Variants in DLEC1 observed in about 807,000 individuals in gnomAD.
The protein encoded by DLEC1 is deleted in lung and esophageal cancer protein 1.
In DLEC1, 146 loss-of-function variants were observed where a neutral mutation model predicts 198.1. The ratio of observed to expected loss-of-function variants is 0.74; its 90% CI spans 0.64 to 0.85. The LOEUF (loss-of-function observed/expected upper bound fraction) is 0.85. Among genes scored for constraint, DLEC1 ranks in the 40% least tolerant of loss-of-function variants. DLEC1 has a pLI of 0.00. For missense variants in DLEC1, 2,233 were observed against 2,220.0 expected (o/e 1.01, Z -0.12); for synonymous variants, 897 against 866.8 (o/e 1.03, Z -0.61).
At chr3:38,045,975 G>T (rs1410012900) in intron 2 of DLEC1, among the ~76,000 whole-genome samples, 1 of 152,138 alleles carries the variant, frequency 6.6e-6, no homozygotes, top group Non-Finnish European at 1.5e-5. Context: ...ACAGATACTT[G>T]TCAACCTAAA....
chr3:38,115,999 C>T (rs1001280655), intron 27 of DLEC1, among the ~76,000 whole-genome samples: 5 of 152,026 alleles, frequency 3.3e-5, no homozygotes, highest in East Asian at 1.9e-4. Flanking sequence ...AAGGGAGATA[C>T]GAGGATGCTG....
At chr3:38,109,377 G>T (rs1420677936) in intron 21 of DLEC1, 55 bp from the exon 22 acceptor site, 2 of 1,607,228 alleles carry the variant, frequency 1.2e-6, no homozygotes, top group Admixed American at 3.4e-5. Flanking sequence ...GACCATCTGG[G>T]CTCATCTTCA....
At chr3:38,056,959 A>G (rs1431231301) in intron 2 of DLEC1, among the ~76,000 whole-genome samples, 1 of 152,222 alleles carries the variant, frequency 6.6e-6, no homozygotes, top group Non-Finnish European at 1.5e-5. Context: ...CAGAATGATG[A>G]TGATGATGTC....
chr3:38,053,889 C>T (rs1701276730), intron 2 of DLEC1, among the ~76,000 whole-genome samples: 1 of 152,122 alleles, frequency 6.6e-6, no homozygotes, highest in Non-Finnish European at 1.5e-5. Context: ...AATCTATAAC[C>T]TTACCCCCAA....
intron 2 of DLEC1, among the ~76,000 whole-genome samples, chr3:38,055,902 T>C (rs1376930155): frequency 6.6e-6 from 1 of 152,180 alleles, no homozygotes; most frequent in Non-Finnish European, 1.5e-5. Context: ...AACAAGGTCC[T>C]AAATGCCCAG....
chr3:38,084,750 A>G (rs992793960), intron 7 of DLEC1, among the ~76,000 whole-genome samples: 6 of 151,626 alleles, frequency 4.0e-5, no homozygotes, highest in Admixed American at 2.0e-4. Context: ...CTCATGCTCC[A>G]CCAGCAATGT....
rs150587711 is a variant in DLEC1, at chr3:38,119,374, G to A, written c.4705-1074G>A. On this transcript the variant is annotated intron_variant, in intron 33 of 36. Transcript: ENST00000308059. ...AGCAAATACCAACCCCAGCCCCCTT[G>A]CTCATGCCCAGAGCTCTGGCACCCC... 3.3e-3 allele frequency among the ~76,000 whole-genome samples: 508 copies of A among 151,690 alleles called. 5 individuals are homozygous for A. The highest frequency in any genetic ancestry group is 7.0e-3 in the Admixed American group (106 of 15,230).
intron 21 of DLEC1, among the ~76,000 whole-genome samples, chr3:38,109,149 G>C (rs977665031): frequency 6.6e-6 from 1 of 152,232 alleles, no homozygotes; most frequent in Admixed American, 6.5e-5. Flanking sequence ...AGCTTCATCA[G>C]AGGAAGTGCG....
At chr3:38,067,848 G>A (rs1468616930) in intron 6 of DLEC1, among the ~76,000 whole-genome samples, 1 of 151,216 alleles carries the variant, frequency 6.6e-6, no homozygotes, top group Non-Finnish European at 1.5e-5. Flanking sequence ...TGCCTCTTGG[G>A]TTCAAGCAAT....
chr3:38,103,161 C>T (rs1337294094), intron 19 of DLEC1: 1 of 152,216 alleles, frequency 6.6e-6, no homozygotes, highest in Admixed American at 6.5e-5. Flanking sequence ...CCTTCCGAGT[C>T]TCCGTTGTCT....
Position 38,053,435 on chromosome 3 carries a change from G to A in DLEC1, c.563-6307G>A, listed in dbSNP as rs533960134. On this transcript the variant is annotated intron_variant, in intron 2 of 36. Transcript: ENST00000308059. ...TGGGATGTGAGGAGCGCCTCTGCCC[G>A]GCCGCGACCCCGTCTGGGAGGTGAG... is the stretch of plus-strand genomic sequence containing the variant. Among the ~76,000 whole-genome samples, 611 of 147,456 alleles carry A rather than the reference G, an allele frequency of 4.1e-3. 6 individuals are homozygous for A. Among genetic ancestry groups the A allele is most frequent in the African/African-American group, 0.013 (526 of 39,750 alleles).
Position 38,085,429 on chromosome 3 carries a change from C to T in DLEC1, c.1417C>T (p.Pro473Ser). 6.2e-7 allele frequency: 1 copy of T among 1,613,916 alleles called. No individual in the cohort carries two copies. Among genetic ancestry groups the T allele is most frequent in the Non-Finnish European group, 8.5e-7 (1 of 1,179,982 alleles). The change falls in exon 8 of 37, where the codon CCG (proline) becomes TCG (serine). Residue 473 changes from proline to serine, a missense_variant. By Grantham distance (74) the Pro-to-Ser change is moderately conservative (BLOSUM62 -1). Coordinates refer to ENST00000308059, the MANE Select transcript of DLEC1 (RefSeq NM_007335.4). Reference protein sequence around the residue: ...TLLIPLQARRPPPVLTLSPVL... With the variant: ...TLLIPLQARRSPPVLTLSPVL... Reference sequence around the variant, plus strand: ...TCTGATCCCCCTGCAGGCCCGGAGGCCGCCCCCCGTGCTGACATGTGAGTG... The same window carrying T: ...TCTGATCCCCCTGCAGGCCCGGAGGTCGCCCCCCGTGCTGACATGTGAGTG...
chr3:38,119,619 A>T (rs1223918526), intron 33 of DLEC1, among the ~76,000 whole-genome samples: 3 of 151,832 alleles, frequency 2.0e-5, no homozygotes, highest in Admixed American at 2.0e-4. Context: ...GGTTCACTGA[A>T]GCCTCGACTG....
chr3:38,103,228 T>G (rs1051228158), intron 19 of DLEC1: 1 of 152,232 alleles, frequency 6.6e-6, no homozygotes, highest in African/African-American at 2.4e-5. Context: ...TTGAGTGAGA[T>G]CATGTGATAT....
chr3:38,086,470 A>C, intron 9 of DLEC1, 93 bp downstream of exon 9: 3 of 1,481,322 alleles, frequency 2.0e-6, no homozygotes, highest in Non-Finnish European at 2.7e-6. Flanking sequence ...CTATGATTGG[A>C]AACACACAGA....
At position 38,039,372 on chromosome 3, in the gene DLEC1, C is replaced by T. The variant is rs1700539647; in HGVS notation, c.147C>T (p.Leu49=). 1 of 1,614,124 alleles carries T rather than the reference C, an allele frequency of 6.2e-7. No homozygotes were observed. Among genetic ancestry groups the T allele is most frequent in the African/African-American group, 1.3e-5 (1 of 74,964 alleles). ...PTWKSSLYSS[L]AYSEAFHYSF... The stretch of plus-strand genomic sequence containing the variant: ...GGAAGTCCTCCTTGTATTCCTCCCT[C>T]GCCTACTCTGAGGCCTTCCACTACA... Residue 49 remains leucine, a synonymous_variant, in exon 1 of 37, where the codon CTC becomes CTT. Transcript: ENST00000308059.
At chr3:38,097,967 A>C (rs1052622642) in intron 18 of DLEC1, 65 bp downstream of exon 18, 1 of 1,598,990 alleles carries the variant, frequency 6.3e-7, no homozygotes, top group Non-Finnish European at 8.5e-7. Context: ...TGCCCTGGTG[A>C]AACTTGCCCT....
intron 6 of DLEC1, among the ~76,000 whole-genome samples, chr3:38,077,617 A>G (rs1381187785): frequency 6.6e-6 from 1 of 152,238 alleles, no homozygotes; most frequent in Non-Finnish European, 1.5e-5. Context: ...ATCAGATTGT[A>G]TAGAGGTGGG....
Position 38,062,320 on chromosome 3 carries a change from A to G in DLEC1, c.825A>G (p.Thr275=), listed in dbSNP as rs778016787. ...TAGACCACACTGTGGACAGCCTGAC[A>G]TGGAATTTAACTCCTAAGGCCAAAG... ...DELDHTVDSL[T]WNLTPKAKER... The change falls in exon 4 of 37, where the codon ACA becomes ACG. Residue 275 remains threonine (T), a synonymous_variant. Transcript: ENST00000308059. 1.9e-6 allele frequency: 3 copies of G among 1,614,228 alleles called. No homozygotes were observed. The highest frequency in any genetic ancestry group is 2.2e-5 in the East Asian group (1 of 44,882).
Sources: allele counts gnomAD v4.1 joint callset (sites outside exome capture counted in the v4.1 genomes callset), GRCh38; gene constraint gnomAD v4.1.1; transcripts MANE v1.5; gene names NCBI Gene and HGNC (gene_info 2026-07-23, HGNC 2026-07-21).